The following ZFHX3 variants were observed in gnomAD, a reference collection of about 807,000 sequenced individuals.
ZFHX3 encodes zinc finger homeobox 3.
In ZFHX3, 42 loss-of-function variants were observed where a neutral mutation model predicts 279.1. The ratio of observed to expected loss-of-function variants is 0.15; its 90% CI spans 0.12 to 0.19. ZFHX3 has a LOEUF of 0.19. Ranked by LOEUF, ZFHX3 falls within the 10% of genes least tolerant of loss-of-function variation. The pLI is 1.00. For missense variants in ZFHX3, 4,981 were observed against 4,754.0 expected (o/e 1.05, Z -1.40); for synonymous variants, 2,293 against 1,957.8 (o/e 1.17, Z -4.52).
At chr16:73,794,826 C>T (rs1214655065) in intron 1 of ZFHX3, among the ~76,000 whole-genome samples, 1 of 152,160 alleles carries the variant, frequency 6.6e-6, no homozygotes, top group Non-Finnish European at 1.5e-5. Context: ...GTGATCATAC[C>T]TCCCCCATCC....
chr16:73,635,199 T>A (rs1327939136), intron 2 of ZFHX3, among the ~76,000 whole-genome samples: 3 of 152,174 alleles, frequency 2.0e-5, no homozygotes, highest in African/African-American at 7.2e-5. Context: ...CAGGCAAAGA[T>A]CTTTATATGG....
intron 1 of ZFHX3, among the ~76,000 whole-genome samples, chr16:73,852,689 G>A (rs1224199512): frequency 1.3e-5 from 2 of 152,092 alleles, no homozygotes; most frequent in East Asian, 3.9e-4. Context: ...GGAAGACTGA[G>A]CTTTCTCACC....
At position 72,794,666 on chromosome 16, in the gene ZFHX3, A is replaced by G; in HGVS notation, c.8016T>C (p.Asp2672=). ...TCAAGCCCACCTCGTGTGCAATGTG[A>G]TCCAACATCTTTCGAGTCGGATTGG... ...LDSNPTRKML[D]HIAHEVGLKK... Residue 2672 remains aspartate, a synonymous_variant, in exon 9 of 10, where the codon GAT becomes GAC. Transcript: ENST00000268489. The surrounding 1 kb of genome is among the most constrained non-coding windows in gnomAD (Gnocchi z 4.2). 2 of 1,614,138 alleles carry G rather than the reference A, an allele frequency of 1.2e-6. No homozygotes were observed. Among genetic ancestry groups the G allele is most frequent in the South Asian group, 2.2e-5 (2 of 91,082 alleles).
At chr16:73,264,581 T>A (rs572362614) in intron 4 of ZFHX3, among the ~76,000 whole-genome samples, 2 of 152,244 alleles carry the variant, frequency 1.3e-5, no homozygotes, top group Non-Finnish European at 2.9e-5. Context: ...GACTTTTTTT[T>A]TTTTTAGTTT....
chr16:73,230,398 G>A (rs1003389357), intron 5 of ZFHX3, among the ~76,000 whole-genome samples: 6 of 152,060 alleles, frequency 3.9e-5, no homozygotes, highest in South Asian at 2.1e-4. Context: ...AGTCAGTCTC[G>A]AAGAGCCCTG....
At chr16:73,364,367 T>A (rs7200070) in intron 3 of ZFHX3, among the ~76,000 whole-genome samples, 115,760 of 148,734 alleles carry the variant, frequency 0.78, 46,605 homozygotes, top group Non-Finnish European at 0.91. Flanking sequence ...ACTATAATAT[T>A]GTAATATTAT....
intron 1 of ZFHX3, among the ~76,000 whole-genome samples, chr16:73,033,358 C>G (rs1267101585): frequency 6.6e-6 from 1 of 152,168 alleles, no homozygotes; most frequent in African/African-American, 2.4e-5. Flanking sequence ...TCGTCCTCAA[C>G]TACTATTGTT....
chr16:73,785,235 TAC>T (rs1160345058), intron 1 of ZFHX3, among the ~76,000 whole-genome samples: 4 of 152,220 alleles, frequency 2.6e-5, no homozygotes, highest in African/African-American at 9.6e-5. Context: ...TTATTATAAC[TAC>T]AGTTCTTTTG....
intron 4 of ZFHX3, among the ~76,000 whole-genome samples, chr16:73,264,066 C>A (rs1321534394): frequency 6.6e-6 from 1 of 152,250 alleles, no homozygotes; most frequent in South Asian, 2.1e-4. Flanking sequence ...ACTTGGGAGA[C>A]TGAGGCATGA....
chr16:73,339,400 C>T (rs190010604), intron 3 of ZFHX3, among the ~76,000 whole-genome samples: 35 of 152,254 alleles, frequency 2.3e-4, no homozygotes, highest in East Asian at 2.1e-3. Context: ...GGTTCTATTA[C>T]GAAGCTCTAC....
At chr16:73,730,807 T>C (rs978299415) in intron 1 of ZFHX3, among the ~76,000 whole-genome samples, 2 of 152,114 alleles carry the variant, frequency 1.3e-5, no homozygotes, top group Non-Finnish European at 2.9e-5. Flanking sequence ...CATTTTTGTC[T>C]CAAGAGTGCA....
chr16:73,199,292 A>C (rs547436727), intron 5 of ZFHX3, among the ~76,000 whole-genome samples: 1 of 152,234 alleles, frequency 6.6e-6, no homozygotes, highest in Admixed American at 6.5e-5. Context: ...TGACAGGTAG[A>C]CACCTAAGGT....
intron 4 of ZFHX3, among the ~76,000 whole-genome samples, chr16:72,856,988 G>A (rs983914186): frequency 2.6e-5 from 4 of 152,200 alleles, no homozygotes; most frequent in Middle Eastern, 3.2e-3. Flanking sequence ...ACTGACACCC[G>A]CAGGTGATGC....
chr16:73,470,099 G>A (rs1039779267), intron 2 of ZFHX3, among the ~76,000 whole-genome samples: 4 of 152,126 alleles, frequency 2.6e-5, no homozygotes, highest in Admixed American at 1.3e-4. Flanking sequence ...TATTCATGAG[G>A]TCCAGGATGG....
intron 8 of ZFHX3, among the ~76,000 whole-genome samples, chr16:72,799,339 A>G (rs756361805): frequency 4.6e-5 from 7 of 152,186 alleles, no homozygotes; most frequent in African/African-American, 9.6e-5. Flanking sequence ...TTTCCCTACA[A>G]TGAGATCATC....
At chr16:73,070,229 G>C (rs982221627) in intron 8 of ZFHX3, among the ~76,000 whole-genome samples, 1 of 152,082 alleles carries the variant, frequency 6.6e-6, no homozygotes, top group Non-Finnish European at 1.5e-5. Flanking sequence ...CATTGAATCT[G>C]TTAGCATTTT....
intron 5 of ZFHX3, among the ~76,000 whole-genome samples, chr16:73,235,338 G>A (rs765438135): frequency 2.6e-5 from 4 of 152,132 alleles, no homozygotes; most frequent in African/African-American, 4.8e-5. Context: ...CAAAGTGCTG[G>A]GACTACAGGC....
At chr16:73,415,254 A>C (rs753961376) in intron 3 of ZFHX3, among the ~76,000 whole-genome samples, 1 of 152,254 alleles carries the variant, frequency 6.6e-6, no homozygotes, top group Admixed American at 6.5e-5. Flanking sequence ...AAACCAGAAG[A>C]AACAGACTTG....
chr16:73,520,617 G>A (rs1041921192), intron 2 of ZFHX3, among the ~76,000 whole-genome samples: 3 of 152,114 alleles, frequency 2.0e-5, no homozygotes, highest in East Asian at 1.9e-4. Context: ...ACTGTCTCAC[G>A]CATTCTTTGT....
Sources: allele counts gnomAD v4.1 joint callset (sites outside exome capture counted in the v4.1 genomes callset), GRCh38; gene constraint gnomAD v4.1.1; non-coding constraint Gnocchi (gnomAD v3.1); transcripts MANE v1.5; gene names NCBI Gene and HGNC (gene_info 2026-07-23, HGNC 2026-07-21).